The following CIT variants were observed in gnomAD, a reference collection of about 807,000 sequenced individuals.
The protein encoded by CIT is citron rho-interacting serine/threonine kinase.
CIT carries 79 observed loss-of-function variants against 272.7 expected under a neutral mutation model. That is an observed-to-expected ratio of 0.29 (90% confidence interval 0.24 to 0.35). The LOEUF is 0.35. Ranked by LOEUF, CIT falls within the 10% of genes least tolerant of loss-of-function variation. The probability of loss-of-function intolerance (pLI) is 1.00; values close to 1 mark genes in which losing one functional copy is unlikely to be tolerated. For missense variants in CIT, 1,909 were observed against 2,618.3 expected, an observed-to-expected ratio of 0.73 and a Z score of 5.91; for synonymous variants, 948 against 995.6, an observed-to-expected ratio of 0.95 and a Z score of 0.90.
intron 47 of CIT, 152 bp downstream of exon 47, chr12:119,689,999 A>G: frequency 1.4e-6 from 1 of 739,858 alleles, no homozygotes; most frequent in Non-Finnish European, 1.9e-6. Flanking sequence ...TTCTTAAGGT[A>G]CATTTTCTTC....
In CIT at chr12:119,690,369, TG is replaced by T; in HGVS notation, c.5967del (p.Ser1990AlafsTer64). On this transcript the variant is annotated frameshift_variant, in exon 47 of 48. Coordinates refer to ENST00000392521, the MANE Select transcript of CIT (RefSeq NM_001206999.2). LOFTEE classifies it high-confidence loss of function. This position sits in a 1 kb window ranked among gnomAD's most constrained non-coding sequence, Gnocchi z 6.0. Reference sequence around the variant, plus strand: ...GGTGTGCTTGGCTCTCGCGGGTGGCTGGGGCCTTCGGGCGGCGCTGGGCTGG... The same window carrying T: ...GGTGTGCTTGGCTCTCGCGGGTGGCTGGGCCTTCGGGCGGCGCTGGGCTGG... ...VASSPAPPEG[P>X]SHPREPSTPH... The T allele has an allele frequency of 6.3e-7, 1 of 1,598,008 alleles. No homozygotes were observed.
intron 9 of CIT, among the ~76,000 whole-genome samples, chr12:119,819,637 T>C (rs1279352553): frequency 3.3e-5 from 5 of 152,186 alleles, no homozygotes; most frequent in Non-Finnish European, 7.3e-5. Context: ...AGGGACAATC[T>C]CTTATTGCAG....
chr12:119,847,139 C>T (rs1969864323), intron 5 of CIT, among the ~76,000 whole-genome samples: 1 of 152,158 alleles, frequency 6.6e-6, no homozygotes, highest in Admixed American at 6.6e-5. Flanking sequence ...CACCCGCCAC[C>T]ATACCTGCCT....
intron 5 of CIT, among the ~76,000 whole-genome samples, chr12:119,849,426 CAAAAAAA>C (rs898196341): frequency 6.7e-6 from 1 of 149,538 alleles, no homozygotes; most frequent in Non-Finnish European, 1.5e-5. Flanking sequence ...GACTCTGTCT[CAAAAAAA>C]AAGAAAAGGA....
intron 2 of CIT, among the ~76,000 whole-genome samples, chr12:119,870,035 T>C (rs1199681307): frequency 6.6e-6 from 1 of 152,160 alleles, no homozygotes; most frequent in African/African-American, 2.4e-5. Flanking sequence ...AACCCTGGTA[T>C]AGAGCAGTGA....
intron 22 of CIT, among the ~76,000 whole-genome samples, chr12:119,754,331 C>T (rs1312012368): frequency 1.3e-5 from 2 of 152,164 alleles, no homozygotes; most frequent in African/African-American, 2.4e-5. Flanking sequence ...CTGCAACATC[C>T]CTACGTGTCC....
At chr12:119,805,156 G>A (rs1451175786) in intron 9 of CIT, among the ~76,000 whole-genome samples, 2 of 152,106 alleles carry the variant, frequency 1.3e-5, no homozygotes, top group Admixed American at 1.3e-4. Context: ...AGGAAACTCA[G>A]ATAAAGACTG....
In CIT at chr12:119,845,943, AACAC is replaced by A. The variant is rs58381184; in HGVS notation, c.516+4227_516+4230del. On this transcript the variant is annotated intron_variant, in intron 5 of 47. Coordinates refer to ENST00000392521, the MANE Select transcript of CIT (RefSeq NM_001206999.2). ...GCAACACGGCAAGACTCCATCTCAA[AACAC>A]ACACACACACACACACACACACACA... 5.4e-3 allele frequency among the ~76,000 whole-genome samples: 738 copies of A among 137,022 alleles called. 3 individuals are homozygous for A. The highest frequency in any genetic ancestry group is 0.011 in the African/African-American group (405 of 35,874). The allele number at this position is 137,022 out of a possible 152,430, so 89.9% of individuals were successfully genotyped here.
intron 3 of CIT, among the ~76,000 whole-genome samples, chr12:119,858,891 G>C (rs908975259): frequency 5.9e-5 from 9 of 151,858 alleles, no homozygotes; most frequent in African/African-American, 2.2e-4. Flanking sequence ...TCTGACATCT[G>C]CTCTGCAGGG....
chr12:119,793,774 C>T (rs1392707203), intron 10 of CIT, among the ~76,000 whole-genome samples: 1 of 152,206 alleles, frequency 6.6e-6, no homozygotes, highest in Non-Finnish European at 1.5e-5. Flanking sequence ...ATGCTTGCTC[C>T]TTTGCATTCA....
rs1593344552 is a variant in CIT, at chr12:119,687,957, C to T, written c.*275G>A. Reference sequence around the variant, plus strand: ...AACTGGTACAGGCTAGAGCTAGGTACAAAAGTTTGTGAATGCTTTGAAAGA... The same window carrying T: ...AACTGGTACAGGCTAGAGCTAGGTATAAAAGTTTGTGAATGCTTTGAAAGA... On this transcript the variant is annotated 3_prime_UTR_variant, in exon 48 of 48. Coordinates refer to ENST00000392521, the MANE Select transcript of CIT (RefSeq NM_001206999.2). 3.9e-6 allele frequency: 2 copies of T among 516,014 alleles called. No individual in the cohort carries two copies. Among genetic ancestry groups the T allele is most frequent in the Admixed American group, 3.4e-5 (1 of 29,042 alleles). 32.0% of individuals were successfully genotyped at this position (516,014 alleles called of 1,614,324 possible).
At chr12:119,827,028 T>A (rs1320724185) in intron 7 of CIT, among the ~76,000 whole-genome samples, 1 of 152,190 alleles carries the variant, frequency 6.6e-6, no homozygotes, top group East Asian at 1.9e-4. Flanking sequence ...CCTCTCTTTT[T>A]ACCTCTTCCC....
intron 3 of CIT, among the ~76,000 whole-genome samples, chr12:119,862,126 G>C (rs576875933): frequency 6.6e-6 from 1 of 151,934 alleles, no homozygotes; most frequent in Non-Finnish European, 1.5e-5. Context: ...TTGGTCTCCC[G>C]AGTAGCTGGA....
At chr12:119,708,135 A>G (rs368194424) in intron 40 of CIT, 44 bp downstream of exon 40, 116 of 1,462,506 alleles carry the variant, frequency 7.9e-5, no homozygotes, top group Non-Finnish European at 1.0e-4. Flanking sequence ...GGTAGTGTCA[A>G]TTTCCAGAAC....
intron 26 of CIT, among the ~76,000 whole-genome samples, chr12:119,731,486 A>G (rs1313921430): frequency 1.3e-5 from 2 of 151,756 alleles, no homozygotes; most frequent in Non-Finnish European, 2.9e-5. Context: ...AAAAAAAAAA[A>G]AAAAAAGAAA....
At chr12:119,751,940 T>C in intron 23 of CIT, 110 bp downstream of exon 23, 2 of 972,906 alleles carry the variant, frequency 2.1e-6, no homozygotes, top group South Asian at 1.8e-5. Flanking sequence ...TTGTGGATCA[T>C]GTTTTCCCTC....
At chr12:119,869,885 C>T (rs898608987) in intron 2 of CIT, among the ~76,000 whole-genome samples, 4 of 152,190 alleles carry the variant, frequency 2.6e-5, no homozygotes, top group South Asian at 2.1e-4. Context: ...TGCCTGATGA[C>T]GCTGAGCTGG....
chr12:119,699,385 A>G (rs1413408340), intron 44 of CIT, among the ~76,000 whole-genome samples: 2 of 152,150 alleles, frequency 1.3e-5, no homozygotes, highest in East Asian at 1.9e-4. Flanking sequence ...TAGAGCACAC[A>G]GGACTGGAAA....
intron 23 of CIT, among the ~76,000 whole-genome samples, chr12:119,750,923 G>A (rs1468016587): frequency 6.6e-6 from 1 of 151,916 alleles, no homozygotes; most frequent in East Asian, 1.9e-4. Flanking sequence ...ACGGAAATGG[G>A]GACAGCATCT....
Sources: allele counts gnomAD v4.1 joint callset (sites outside exome capture counted in the v4.1 genomes callset), GRCh38; gene constraint gnomAD v4.1.1; non-coding constraint Gnocchi (gnomAD v3.1); transcripts MANE v1.5; gene names NCBI Gene and HGNC (gene_info 2026-07-23, HGNC 2026-07-21).